The following CDYL variants were observed in gnomAD, a reference collection of about 807,000 sequenced individuals.
The protein encoded by CDYL is chromodomain Y-like protein.
A neutral mutation model predicts 47.3 loss-of-function variants in CDYL; 8 were observed. The ratio of observed to expected loss-of-function variants is 0.17; its 90% confidence interval spans 0.10 to 0.31. CDYL has a LOEUF of 0.31. CDYL is among the 10% of genes least tolerant of loss of function. CDYL has a pLI of 1.00. For synonymous variants in CDYL, 266 were observed against 265.0 expected (o/e 1.00, Z -0.04); for missense variants, 471 against 701.4 (o/e 0.67, Z 3.71).
intron 1 of CDYL, chr6:4,713,975 GATA>G (rs1273582115): frequency 2.0e-5 from 3 of 152,212 alleles, no homozygotes; most frequent in South Asian, 2.1e-4. Context: ...ACTCCTTGTG[GATA>G]ATAATCACAG....
chr6:4,827,424 C>T (rs2127451791), intron 1 of CDYL, among the ~76,000 whole-genome samples: 1 of 152,018 alleles, frequency 6.6e-6, no homozygotes, highest in East Asian at 1.9e-4. Flanking sequence ...GTTTGGATTC[C>T]CTTCTCATTT....
At chr6:4,868,674 A>G (rs1201309382) in intron 1 of CDYL, among the ~76,000 whole-genome samples, 1 of 152,196 alleles carries the variant, frequency 6.6e-6, no homozygotes, top group Non-Finnish European at 1.5e-5. Flanking sequence ...CAAGTCTTCT[A>G]TATCATTGCC....
intron 2 of CDYL, among the ~76,000 whole-genome samples, chr6:4,926,167 C>T (rs1757867828): frequency 6.6e-6 from 1 of 152,136 alleles, no homozygotes; most frequent in South Asian, 2.1e-4. Flanking sequence ...TTATTTAACA[C>T]ATTATGAAGA....
At chr6:4,923,539 A>G (rs1442633316) in intron 2 of CDYL, among the ~76,000 whole-genome samples, 3 of 152,190 alleles carry the variant, frequency 2.0e-5, no homozygotes, top group African/African-American at 7.2e-5. Context: ...ATGGGAGTGC[A>G]GATGCCTCTT....
At chr6:4,750,953 C>G (rs889547407) in intron 3 of CDYL, among the ~76,000 whole-genome samples, 2 of 150,688 alleles carry the variant, frequency 1.3e-5, no homozygotes, top group African/African-American at 2.4e-5. Flanking sequence ...CCTGGGTTCA[C>G]GCCATTCTCC....
At chr6:4,946,576 T>C (rs1197436073) in intron 5 of CDYL, among the ~76,000 whole-genome samples, 6 of 151,900 alleles carry the variant, frequency 3.9e-5, no homozygotes, top group Non-Finnish European at 7.4e-5. Flanking sequence ...TACTCAAGGG[T>C]CTGGGGGTGA....
chr6:4,779,939 A>G lies in CDYL; in HGVS notation c.24+3132A>G, dbSNP rs1018764994. ...TATATTTCATATCATTTTATGTGTC[A>G]TGAAATACACATTTGTGTTTTTTTT... is the stretch of plus-strand genomic sequence containing the variant. On this transcript the variant is annotated intron_variant, in intron 1 of 6. Transcript: ENST00000397588. 2.6e-5 allele frequency among the ~76,000 whole-genome samples: 4 copies of G among 152,218 alleles called. No individual in the cohort carries two copies. In the South Asian group the frequency reaches 8.3e-4, roughly 31 times the overall value.
intron 1 of CDYL, among the ~76,000 whole-genome samples, chr6:4,819,146 C>CTGTG (rs1759757094): frequency 2.8e-5 from 4 of 141,428 alleles, no homozygotes; most frequent in African/African-American, 1.2e-4. Context: ...CTCTCTCTCT[C>CTGTG]TCTCTCTCTC....
intron 2 of CDYL, among the ~76,000 whole-genome samples, chr6:4,929,066 T>G (rs1757958387): frequency 6.6e-6 from 1 of 152,212 alleles, no homozygotes. Flanking sequence ...CAGGCTTCTG[T>G]CTGGTATTAT....
rs1476539182 is a variant in CDYL, at chr6:4,892,037, C to G, written c.349C>G (p.Gln117Glu). 1 of 1,614,196 alleles carries G rather than the reference C, an allele frequency of 6.2e-7. No individual in the cohort carries two copies. The highest frequency in any genetic ancestry group is 8.5e-7 in the Non-Finnish European group (1 of 1,180,036). Reference protein sequence around the residue: ...SKNSQLFAASQKFRKNTAPSL... With the variant: ...SKNSQLFAASEKFRKNTAPSL... ...AAACAGCCAGCTGTTTGCTGCCAGC[C>G]AGAAGTTCAGGAAGAACACAGCTCC... The change falls in exon 2 of 7, where the codon CAG becomes GAG. Residue 117 changes from glutamine (Q) to glutamate (E), a missense_variant. By Grantham distance (29) the Gln-to-Glu change is conservative (BLOSUM62 2). Around this residue, in one of 3 missense-constraint regions of CDYL, gnomAD observed 311 missense variants for 350.0 expected, o/e 0.89. Transcript: ENST00000397588.
intron 1 of CDYL, among the ~76,000 whole-genome samples, chr6:4,823,321 A>G (rs1759891678): frequency 6.6e-6 from 1 of 152,236 alleles, no homozygotes; most frequent in Non-Finnish European, 1.5e-5. Context: ...TAAACATAAC[A>G]TACCTACTAA....
chr6:4,723,707 A>G (rs569636637), intron 2 of CDYL, among the ~76,000 whole-genome samples: 3 of 152,296 alleles, frequency 2.0e-5, no homozygotes, highest in Admixed American at 2.0e-4. Context: ...TCAGCACCCC[A>G]AGCCACAGAG....
rs750797501 is a variant in CDYL, at chr6:4,943,616, C to T, written c.1192C>T (p.Leu398=). The change falls in exon 5 of 7, where the codon CTA becomes TTA. Residue 398 remains leucine, a synonymous_variant. Coordinates refer to ENST00000397588, the MANE Select transcript of CDYL (RefSeq NM_004824.4). ...AGCAGTCAATGGCCCAGCCATTGGT[C>T]TAGGAGCATCTATATTGCCTCTTTG... ...IVAVNGPAIG[L]GASILPLCDV... 1 of 1,613,886 alleles carries T rather than the reference C, an allele frequency of 6.2e-7. No homozygotes were observed. The highest frequency in any genetic ancestry group is 1.1e-5 in the South Asian group (1 of 91,074).
At chr6:4,935,467 A>G (rs1217069494) in intron 2 of CDYL, 48 bp from the exon 3 acceptor site, 3 of 1,519,800 alleles carry the variant, frequency 2.0e-6, no homozygotes, top group East Asian at 2.3e-5. Context: ...CTGGGAGTGA[A>G]CTGGTGGTGG....
intron 1 of CDYL, among the ~76,000 whole-genome samples, chr6:4,824,512 TTGTA>T (rs1360955697): frequency 6.6e-6 from 1 of 152,236 alleles, no homozygotes; most frequent in African/African-American, 2.4e-5. Context: ...TATTAGCTAT[TTGTA>T]TGTCTTCTTT....
At chr6:4,916,064 T>C (rs1310941025) in intron 2 of CDYL, among the ~76,000 whole-genome samples, 3 of 152,220 alleles carry the variant, frequency 2.0e-5, no homozygotes, top group Non-Finnish European at 4.4e-5. Context: ...ATGTATACCT[T>C]ACATGTATTG....
At chr6:4,898,924 A>G (rs1337155251) in intron 2 of CDYL, among the ~76,000 whole-genome samples, 4 of 152,184 alleles carry the variant, frequency 2.6e-5, no homozygotes, top group Admixed American at 6.5e-5. Flanking sequence ...TTGAACATGG[A>G]TTCATTGCTT....
At chr6:4,903,216 C>A (rs143019386) in intron 2 of CDYL, among the ~76,000 whole-genome samples, 1 of 152,208 alleles carries the variant, frequency 6.6e-6, no homozygotes, top group Non-Finnish European at 1.5e-5. Context: ...CCAAATCAGA[C>A]GAGTCAGCAG....
At chr6:4,843,147 G>A (rs1187817189) in intron 1 of CDYL, among the ~76,000 whole-genome samples, 1 of 152,002 alleles carries the variant, frequency 6.6e-6, no homozygotes, top group African/African-American at 2.4e-5. Context: ...CCAACCCCTA[G>A]TCCCTTCTAG....
Sources: allele counts gnomAD v4.1 joint callset (sites outside exome capture counted in the v4.1 genomes callset), GRCh38; gene constraint gnomAD v4.1.1; regional missense constraint gnomAD v4.1.1; transcripts MANE v1.5; gene names NCBI Gene and HGNC (gene_info 2026-07-23, HGNC 2026-07-21).